ZNF671: variants seen among roughly 807,000 people sequenced by gnomAD.
The protein encoded by ZNF671 is zinc finger protein 671.
In ZNF671, 19 loss-of-function variants were observed where a neutral mutation model predicts 16.6. The ratio of observed to expected loss-of-function variants is 1.14; its 90% CI spans 0.80 to 1.68. The LOEUF is 1.68. Ranked by LOEUF, ZNF671 falls within the 40% of genes most tolerant of loss-of-function variation. ZNF671 has a pLI of 0.00. For missense variants in ZNF671, 637 were observed against 659.8 expected, an observed-to-expected ratio of 0.97 and a Z score of 0.38; for synonymous variants, 238 against 236.3, an observed-to-expected ratio of 1.01 and a Z score of -0.06.
chr19:57,723,232 C>A lies in ZNF671; in HGVS notation c.247G>T (p.Ala83Ser). The change falls in exon 2 of 4, where the codon GCA becomes TCA. Residue 83 changes from alanine (A) to serine (S), a missense_variant. Physicochemically the swap from Ala to Ser is moderately conservative, Grantham distance 99 (BLOSUM62 1). Coordinates refer to ENST00000317398, the MANE Select transcript of ZNF671 (RefSeq NM_024833.3). ...LYHDVMLENFALLASLGIAFS... is the reference protein window; with the variant it reads ...LYHDVMLENFSLLASLGIAFS... ...ACCTTACCCAGTGAGGCTAAAAGTGCAAAGTTCTCCAGCATCACATCATGG... is the reference window on the plus strand; with the variant it reads ...ACCTTACCCAGTGAGGCTAAAAGTGAAAAGTTCTCCAGCATCACATCATGG... 1 of 1,612,356 alleles carries A rather than the reference C, an allele frequency of 6.2e-7. No homozygotes were observed. Among genetic ancestry groups the A allele is most frequent in the Non-Finnish European group, 8.5e-7 (1 of 1,179,030 alleles).
intron 1 of ZNF671, among the ~76,000 whole-genome samples, chr19:57,725,401 T>C (rs147715504): frequency 0.012 from 1,834 of 151,768 alleles, 20 homozygotes; most frequent in Non-Finnish European, 0.02. Flanking sequence ...AAGGCAGAGG[T>C]TGCGGTGAGC....
chr19:57,721,434 T>G lies in ZNF671; in HGVS notation c.652A>C (p.Lys218Gln). The G allele has an allele frequency of 6.2e-7, 1 of 1,614,220 alleles. No individual in the cohort carries two copies. The highest frequency in any genetic ancestry group is 8.5e-7 in the Non-Finnish European group (1 of 1,180,050). Residue 218 changes from lysine (K) to glutamine (Q), a missense_variant, in exon 4 of 4, where the codon AAA becomes CAA. Lys to Gln is a moderately conservative substitution (Grantham distance 53). Transcript: ENST00000317398. ...DQHQNQPNGGKLFPRKEGRDS... is the reference protein window; with the variant it reads ...DQHQNQPNGGQLFPRKEGRDS... ...CTGCCCTCCTTCCTTGGGAAAAGTT[T>G]CCCTCCATTGGGCTGGTTCTGGTGC...
Position 57,727,565 on chromosome 19 carries a change from C to T in ZNF671, c.-37G>A. 3 of 1,576,440 alleles carry T rather than the reference C, an allele frequency of 1.9e-6. No homozygotes were observed. Among genetic ancestry groups the T allele is most frequent in the Non-Finnish European group, 2.6e-6 (3 of 1,153,920 alleles). On this transcript the variant is annotated 5_prime_UTR_variant, in exon 1 of 4. Coordinates refer to ENST00000317398, the MANE Select transcript of ZNF671 (RefSeq NM_024833.3). Reference sequence around the variant, plus strand: ...TTTCCCAACACCTCCACCTGCGGCCCACACAAGCGTTACAGAACCCCGGCC... The same window carrying T: ...TTTCCCAACACCTCCACCTGCGGCCTACACAAGCGTTACAGAACCCCGGCC...
At chr19:57,727,252 ACT>A in intron 1 of ZNF671, 137 bp downstream of exon 1, 1 of 1,256,494 alleles carries the variant, frequency 8.0e-7, no homozygotes, top group East Asian at 2.8e-5. Flanking sequence ...TCCGCCCGTA[ACT>A]CTCCCACACC....
At position 57,727,474 on chromosome 19, in the gene ZNF671, G is replaced by C; in HGVS notation, c.55C>G (p.Leu19Val). Residue 19 changes from leucine (L) to valine (V), a missense_variant, in exon 1 of 4, where the codon CTG (leucine) becomes GTG (valine). Leu to Val is a conservative substitution (Grantham distance 32). Transcript: ENST00000317398. Reference protein sequence around the residue: ...ASDALQGRKCLRPRSRRLPLP... With the variant: ...ASDALQGRKCVRPRSRRLPLP... ...GGCAGGCGTCTCGATCGGGGACGCAGGCACTTCCGTCCCTGCAGAGCATCA... is the reference window on the plus strand; with the variant it reads ...GGCAGGCGTCTCGATCGGGGACGCACGCACTTCCGTCCCTGCAGAGCATCA... 1.2e-6 allele frequency: 2 copies of C among 1,613,284 alleles called. No individual in the cohort carries two copies. Among genetic ancestry groups the C allele is most frequent in the African/African-American group, 2.7e-5 (2 of 75,052 alleles).
intron 1 of ZNF671, among the ~76,000 whole-genome samples, chr19:57,724,660 G>A (rs1478917173): frequency 1.3e-5 from 2 of 151,924 alleles, no homozygotes; most frequent in Non-Finnish European, 2.9e-5. Context: ...CGAGTAGCCG[G>A]GACTACAGGC....
At chr19:57,722,776 T>C (rs1465401201) in intron 2 of ZNF671, among the ~76,000 whole-genome samples, 1 of 151,936 alleles carries the variant, frequency 6.6e-6, no homozygotes, top group Non-Finnish European at 1.5e-5. Flanking sequence ...GTGTCTGTAG[T>C]CCCAACTATT....
Position 57,720,948 on chromosome 19 carries a change from T to A in ZNF671, c.1138A>T (p.Ser380Cys), listed in dbSNP as rs1985841156. Residue 380 changes from serine to cysteine, a missense_variant, in exon 4 of 4, where the codon AGT (serine) becomes TGT (cysteine). Ser to Cys is a moderately radical substitution (Grantham distance 112, BLOSUM62 -1). Transcript: ENST00000317398. ...TGGTGTCGAATGAGATTAGACTTAC[T>A]GCTAAAAAATTTCCCACATTTGCCA... ...QCGKCGKFFSSKSNLIRHQEV... is the reference protein window; with the variant it reads ...QCGKCGKFFSCKSNLIRHQEV... The A allele has an allele frequency of 6.2e-7, 1 of 1,614,022 alleles. No homozygotes were observed. Among genetic ancestry groups the A allele is most frequent in the African/African-American group, 1.3e-5 (1 of 74,912 alleles).
At chr19:57,726,699 T>A (rs1986060076) in intron 1 of ZNF671, among the ~76,000 whole-genome samples, 1 of 152,202 alleles carries the variant, frequency 6.6e-6, no homozygotes, top group Non-Finnish European at 1.5e-5. Context: ...ACTTCAGACC[T>A]TCCTCTCTAG....
rs537659385 is a variant in ZNF671 at position 57,726,255 on chromosome 19, G to A, written c.138+1136C>T. ...GAGAATCTCTTGAACCCGGGAGGTA[G>A]AGGTTGCAATAAGCCACTGCATCCC... On this transcript the variant is annotated intron_variant, in intron 1 of 3. Coordinates refer to ENST00000317398, the MANE Select transcript of ZNF671 (RefSeq NM_024833.3). 3.3e-5 allele frequency among the ~76,000 whole-genome samples: 5 copies of A among 151,830 alleles called. No homozygotes were observed. The East Asian group carries it at 9.7e-4, about 29-fold the overall frequency.
At chr19:57,724,510 T>G (rs1476610540) in intron 1 of ZNF671, among the ~76,000 whole-genome samples, 5 of 150,720 alleles carry the variant, frequency 3.3e-5, no homozygotes, top group Non-Finnish European at 4.4e-5. Context: ...AGTGAGGCAG[T>G]CAGAAGACAC....
rs1446960331 is a variant in ZNF671, at chr19:57,720,612, G to C, written c.1474C>G (p.Pro492Ala). The C allele has an allele frequency of 6.2e-7, 1 of 1,614,182 alleles. No homozygotes were observed. Among genetic ancestry groups the C allele is most frequent in the Non-Finnish European group, 8.5e-7 (1 of 1,180,030 alleles). The stretch of plus-strand genomic sequence containing the variant: ...ACTTTCCAGTGCCTGATGAGGTTGG[G>C]TCTTTGAGTGAAGGCTTTCCCGCAC... Reference protein sequence around the residue: ...SKCGKAFTQRPNLIRHWKVHT... With the variant: ...SKCGKAFTQRANLIRHWKVHT... The change falls in exon 4 of 4, where the codon CCC becomes GCC. Residue 492 changes from proline (P) to alanine (A), a missense_variant. Transcript: ENST00000317398.
Position 57,722,356 on chromosome 19 carries a change from A to G in ZNF671, c.348T>C (p.Thr116=). ...TCTGGGCCTCTCTTTCTGTGGCTGAAGTCATATCCACCTGGTCATACACCC... is the reference window on the plus strand; with the variant it reads ...TCTGGGCCTCTCTTTCTGTGGCTGAGGTCATATCCACCTGGTCATACACCC... ...EPWVYDQVDM[T]SATEREAQRG... is the part of the protein sequence containing the mutation. The change falls in exon 3 of 4, where the codon ACT becomes ACC. Residue 116 remains threonine (T), a synonymous_variant. Transcript: ENST00000317398. 3 of 1,614,122 alleles carry G rather than the reference A, an allele frequency of 1.9e-6. No homozygotes were observed. The highest frequency in any genetic ancestry group is 1.3e-5 in the African/African-American group (1 of 75,040).
At chr19:57,723,966 C>A (rs1028403833) in intron 1 of ZNF671, among the ~76,000 whole-genome samples, 1 of 151,210 alleles carries the variant, frequency 6.6e-6, no homozygotes, top group African/African-American at 2.4e-5. Context: ...ACTGCTTGAA[C>A]CTGGGAGGCA....
intron 1 of ZNF671, chr19:57,726,819 T>G (rs1986063032): frequency 6.6e-6 from 1 of 152,634 alleles, no homozygotes; most frequent in Non-Finnish European, 1.5e-5. Context: ...TGCCTTACTT[T>G]CAGTCATAGC....
In ZNF671 at chr19:57,727,417, T is replaced by C. The variant is rs772742488; in HGVS notation, c.112A>G (p.Met38Val). 26 of 1,612,404 alleles carry C rather than the reference T, an allele frequency of 1.6e-5. No homozygotes were observed. Among genetic ancestry groups the C allele is most frequent in the South Asian group, 7.7e-5 (7 of 90,958 alleles). Residue 38 changes from methionine (M) to valine (V), a missense_variant, in exon 1 of 4, where the codon ATG becomes GTG. Transcript: ENST00000317398. ...LPAAVRAHGP[M>V]AELTDSARGC... ...CGCGCGGAGTCCGTTAGCTCCGCCA[T>C]AGGACCGTGGGCGCGGACAGCTGCC...
chr19:57,720,479 T>C lies in ZNF671; in HGVS notation c.*2A>G. On this transcript the variant is annotated 3_prime_UTR_variant, in exon 4 of 4. Transcript: ENST00000317398. ...AGACTTTCCCCCACATTTGCTACAC[T>C]CTTAAAGCTTTTCTCCAGCATGAAC... The C allele has an allele frequency of 1.3e-5, 21 of 1,611,358 alleles. No homozygotes were observed. The highest frequency in any genetic ancestry group is 1.8e-5 in the Non-Finnish European group (21 of 1,177,868).
chr19:57,721,880 G>T, intron 3 of ZNF671, 183 bp from the exon 4 acceptor site: 1 of 810,652 alleles, frequency 1.2e-6, no homozygotes, highest in Non-Finnish European at 1.9e-6. Flanking sequence ...CATACCATGG[G>T]GGAGTGCCAA....
Position 57,721,039 on chromosome 19 carries a change from G to A in ZNF671, c.1047C>T (p.Phe349=), listed in dbSNP as rs1431497415. 6.2e-7 allele frequency: 1 copy of A among 1,613,952 alleles called. No individual in the cohort carries two copies. Among genetic ancestry groups the A allele is most frequent in the African/African-American group, 1.3e-5 (1 of 74,908 alleles). The change falls in exon 4 of 4, where the codon TTC becomes TTT. Residue 349 remains phenylalanine (F), a synonymous_variant. Transcript: ENST00000317398. The stretch of plus-strand genomic sequence containing the variant: ...CAATCAGGCCGGAGATTTGTCTAAA[G>A]AATTTCCCACATTCGCTGCACTCGT... ...RPYECSECGK[F]FRQISGLIEH...
Sources: gnomAD v4.1 joint callset for allele counts (sites outside exome capture counted in the v4.1 genomes callset) on GRCh38, gnomAD v4.1.1 for gene constraint, MANE v1.5 for transcripts, NCBI Gene and HGNC (gene_info 2026-07-23, HGNC 2026-07-21) for gene names.